The following SEMA6D variants were observed in gnomAD, a reference collection of about 807,000 sequenced individuals.
The protein encoded by SEMA6D is semaphorin-6D.
A neutral mutation model predicts 106.6 loss-of-function variants in SEMA6D; 35 were observed. That is an observed-to-expected ratio of 0.33 (90% confidence interval 0.25 to 0.44). SEMA6D has a LOEUF of 0.44. Ranked by LOEUF, SEMA6D falls within the 20% of genes least tolerant of loss-of-function variation. The pLI is 1.00. For synonymous variants in SEMA6D, 499 were observed against 487.7 expected (o/e 1.02, Z -0.31); for missense variants, 1,185 against 1,345.9 (o/e 0.88, Z 1.87).
At chr15:47,248,963 C>T (rs2033354553) in intron 1 of SEMA6D, among the ~76,000 whole-genome samples, 1 of 152,158 alleles carries the variant, frequency 6.6e-6, no homozygotes, top group Non-Finnish European at 1.5e-5. Flanking sequence ...CACGGTGGCT[C>T]ACACCTGTAA....
intron 1 of SEMA6D, among the ~76,000 whole-genome samples, chr15:47,405,066 G>A (rs1403431185): frequency 6.6e-6 from 1 of 152,074 alleles, no homozygotes; most frequent in Non-Finnish European, 1.5e-5. Context: ...CACTCCAGGA[G>A]GAGCAAGCAG....
intron 1 of SEMA6D, among the ~76,000 whole-genome samples, chr15:47,743,118 T>A (rs1396054686): frequency 1.3e-5 from 2 of 152,196 alleles, no homozygotes; most frequent in African/African-American, 4.8e-5. Flanking sequence ...CCGGACAATA[T>A]CACTGGCACA....
intron 1 of SEMA6D, among the ~76,000 whole-genome samples, chr15:47,257,119 A>G (rs12910762): frequency 1 from 150,386 of 150,476 alleles, 75,148 homozygotes; most frequent in Middle Eastern, 1. Context: ...GTGCAGTGCC[A>G]CAATCTCAGC....
At chr15:47,204,381 G>A (rs180717525) in intron 1 of SEMA6D, among the ~76,000 whole-genome samples, 1 of 152,246 alleles carries the variant, frequency 6.6e-6, no homozygotes, top group Admixed American at 6.5e-5. Flanking sequence ...TCATTAATGA[G>A]ACACTGTAAA....
At position 47,332,460 on chromosome 15, in the gene SEMA6D, T is replaced by G. The variant is rs1334115087; in HGVS notation, c.-238-79933T>G. Among the ~76,000 whole-genome samples, 7 of 152,202 alleles carry G rather than the reference T, an allele frequency of 4.6e-5. No homozygotes were observed. The East Asian group carries it at 7.7e-4, about 17-fold the overall frequency. On this transcript the variant is annotated intron_variant, in intron 1 of 19. Transcript: ENST00000558014. ...GTTTTCACCTAATTGTCTGTTGGTG[T>G]TGTTGCTCTGGTTATACATAACCAG...
intron 4 of SEMA6D, among the ~76,000 whole-genome samples, chr15:47,686,344 G>C (rs142005160): frequency 3.9e-5 from 6 of 152,180 alleles, no homozygotes; most frequent in African/African-American, 1.4e-4. Flanking sequence ...AAGTGCTACC[G>C]TGACAGTTTC....
At chr15:47,589,068 T>G (rs1389995795) in intron 3 of SEMA6D, among the ~76,000 whole-genome samples, 2 of 152,208 alleles carry the variant, frequency 1.3e-5, no homozygotes, top group Admixed American at 1.3e-4. Flanking sequence ...AAACACTGAA[T>G]GAAAGGTGTT....
intron 3 of SEMA6D, among the ~76,000 whole-genome samples, chr15:47,561,709 T>A (rs2046085696): frequency 6.6e-6 from 1 of 151,462 alleles, no homozygotes; most frequent in Non-Finnish European, 1.5e-5. Context: ...AACAATTCTA[T>A]AAATGTGTTT....
In SEMA6D at chr15:47,765,003, C is replaced by T. The variant is rs1282920063; in HGVS notation, c.1374C>T (p.Phe458=). Reference sequence around the variant, plus strand: ...AAGTTCTGGCAAAGACCAGTCCTTTCTCTTTGAACGACAGCGTATTACTGG... The same window carrying T: ...AAGTTCTGGCAAAGACCAGTCCTTTTTCTTTGAACGACAGCGTATTACTGG... ...VLKVLAKTSP[F]SLNDSVLLEE... Residue 458 remains phenylalanine, a synonymous_variant, in exon 13 of 19, where the codon TTC becomes TTT. Transcript: ENST00000536845. 6.2e-7 allele frequency: 1 copy of T among 1,613,898 alleles called. No individual in the cohort carries two copies. Among genetic ancestry groups the T allele is most frequent in the African/African-American group, 1.3e-5 (1 of 75,030 alleles).
intron 3 of SEMA6D, among the ~76,000 whole-genome samples, chr15:47,595,434 A>T (rs2076515729): frequency 6.6e-6 from 1 of 152,224 alleles, no homozygotes; most frequent in Admixed American, 6.5e-5. Context: ...CTACTTGATC[A>T]TGGTGAATCA....
At position 47,541,799 on chromosome 15, in the gene SEMA6D, C is replaced by T. The variant is rs141307812; in HGVS notation, c.-86-59066C>T. Among the ~76,000 whole-genome samples the T allele has an allele frequency of 3.1e-3, 476 of 152,190 alleles. 2 individuals carry two copies. The highest frequency in any genetic ancestry group is 0.011 in the African/African-American group (460 of 41,516). The stretch of plus-strand genomic sequence containing the variant: ...AATCCAAAAAGAGCTGCCAAGATTA[C>T]AATCAGTTGAATTAACTTAGGGCTG... On this transcript the variant is annotated intron_variant, in intron 3 of 19. Transcript: ENST00000558014.
chr15:47,726,985 G>C (rs1260206371), intron 1 of SEMA6D, among the ~76,000 whole-genome samples: 1 of 152,180 alleles, frequency 6.6e-6, no homozygotes, highest in East Asian at 1.9e-4. Context: ...GGTTCAGTGG[G>C]CTGGAGATTT....
chr15:47,699,236 A>G (rs2078761132), intron 4 of SEMA6D, among the ~76,000 whole-genome samples: 2 of 152,180 alleles, frequency 1.3e-5, no homozygotes, highest in African/African-American at 2.4e-5. Flanking sequence ...CCTTCACACA[A>G]TCATAGGATT....
At chr15:47,455,345 A>G (rs77850662) in intron 2 of SEMA6D, among the ~76,000 whole-genome samples, 22 of 152,110 alleles carry the variant, frequency 1.4e-4, no homozygotes, top group Admixed American at 6.6e-4. Context: ...TTGTAGCAAT[A>G]TCCAGATTCA....
chr15:47,700,751 C>A (rs183359190), intron 4 of SEMA6D, among the ~76,000 whole-genome samples: 52 of 152,028 alleles, frequency 3.4e-4, no homozygotes, highest in Admixed American at 2.8e-3. Context: ...ATAGCAAGTT[C>A]ATATATCATT....
intron 1 of SEMA6D, among the ~76,000 whole-genome samples, chr15:47,354,103 C>CAT (rs889780568): frequency 3.7e-4 from 55 of 148,002 alleles, no homozygotes; most frequent in African/African-American, 1.1e-3. Flanking sequence ...TATATGTATA[C>CAT]ATATATATAT....
chr15:47,537,745 G>A (rs2045217866), intron 3 of SEMA6D, among the ~76,000 whole-genome samples: 1 of 152,108 alleles, frequency 6.6e-6, no homozygotes, highest in Admixed American at 6.5e-5. Context: ...GGAGGCGCAA[G>A]GAAGGAAGTA....
At chr15:47,710,523 T>C (rs778799430) in intron 4 of SEMA6D, among the ~76,000 whole-genome samples, 3 of 152,178 alleles carry the variant, frequency 2.0e-5, no homozygotes, top group African/African-American at 4.8e-5. Context: ...ATTCCAAAGA[T>C]TTTATTATAG....
intron 1 of SEMA6D, among the ~76,000 whole-genome samples, chr15:47,222,328 A>C (rs958657336): frequency 6.6e-6 from 1 of 152,210 alleles, no homozygotes; most frequent in Admixed American, 6.5e-5. Context: ...CACTGGGTAC[A>C]GGACTTGTGC....
Sources: allele counts gnomAD v4.1 joint callset (sites outside exome capture counted in the v4.1 genomes callset), GRCh38; gene constraint gnomAD v4.1.1; transcripts MANE v1.5; gene names NCBI Gene and HGNC (gene_info 2026-07-23, HGNC 2026-07-21).